Variants in FBXW12 observed in about 807,000 individuals in gnomAD.
FBXW12 encodes F-box/WD repeat-containing protein 12.
FBXW12 carries 43 observed loss-of-function variants against 55.3 expected under a neutral mutation model. The ratio of observed to expected loss-of-function variants is 0.78; its 90% CI spans 0.61 to 1.00. The LOEUF (loss-of-function observed/expected upper bound fraction) is 1.00, where lower values mean the gene tolerates loss of function less well. Ranked by LOEUF, FBXW12 falls within the 50% of genes least tolerant of loss-of-function variation. FBXW12 has a pLI of 0.00. For synonymous variants in FBXW12, 184 were observed against 203.8 expected (o/e 0.90, Z 0.83); for missense variants, 524 against 560.5 (o/e 0.93, Z 0.66).
Position 48,382,025 on chromosome 3 carries a change from A to G in FBXW12, c.1235A>G (p.His412Arg), listed in dbSNP as rs199820482. 3 of 1,614,076 alleles carry G rather than the reference A, an allele frequency of 1.9e-6. No individual in the cohort carries two copies. The East Asian group carries it at 6.7e-5, about 36-fold the overall frequency. The change falls in exon 10 of 11, where the codon CAT becomes CGT. Residue 412 changes from histidine to arginine, a missense_variant. Transcript: ENST00000296438. ...TACATGTGGGAAGAAGGAGGCCGCCATCCATACCTCAGGAGCTGCTGTCAC... is the reference window on the plus strand; with the variant it reads ...TACATGTGGGAAGAAGGAGGCCGCCGTCCATACCTCAGGAGCTGCTGTCAC... The part of the protein sequence containing the change: ...HVYMWEEGGR[H>R]PYLRSCCHLE...
At chr3:48,382,684 C>T (rs918681236) in intron 10 of FBXW12, among the ~76,000 whole-genome samples, 3 of 152,156 alleles carry the variant, frequency 2.0e-5, no homozygotes, top group Non-Finnish European at 4.4e-5. Context: ...CTTGCTGCTT[C>T]AGTGAGCTGC....
At chr3:48,374,551 C>A (rs2036655171) in intron 4 of FBXW12, among the ~76,000 whole-genome samples, 1 of 152,082 alleles carries the variant, frequency 6.6e-6, no homozygotes, top group Non-Finnish European at 1.5e-5. Context: ...TGGTCTTGAA[C>A]TCCTGACCTC....
intron 10 of FBXW12, among the ~76,000 whole-genome samples, chr3:48,393,967 C>T (rs965182810): frequency 2.6e-5 from 4 of 151,484 alleles, no homozygotes; most frequent in Admixed American, 6.6e-5. Context: ...TTAGTAGAGA[C>T]GAGGTTTCAC....
intron 10 of FBXW12, among the ~76,000 whole-genome samples, chr3:48,387,710 G>C (rs1001406681): frequency 6.6e-6 from 1 of 152,044 alleles, no homozygotes; most frequent in South Asian, 2.1e-4. Context: ...CACCATGCCA[G>C]ACTATTTTTT....
At chr3:48,391,535 G>A (rs1310294392) in intron 10 of FBXW12, among the ~76,000 whole-genome samples, 1 of 152,032 alleles carries the variant, frequency 6.6e-6, no homozygotes, top group African/African-American at 2.4e-5. Flanking sequence ...TGTTTACTAG[G>A]AGTGGTGAGA....
chr3:48,382,879 T>C (rs2036798371), intron 10 of FBXW12, among the ~76,000 whole-genome samples: 1 of 152,226 alleles, frequency 6.6e-6, no homozygotes, highest in African/African-American at 2.4e-5. Context: ...AAAATACATA[T>C]ATCCTTTGCA....
At chr3:48,373,163 C>T (rs1193222343) in intron 2 of FBXW12, 145 bp from the exon 3 acceptor site, 2 of 1,212,704 alleles carry the variant, frequency 1.6e-6, no homozygotes, top group South Asian at 1.3e-5. Context: ...TTCCTTATCT[C>T]CCCACACTGA....
chr3:48,394,250 GAAAAAC>G (rs1386774190), intron 10 of FBXW12, among the ~76,000 whole-genome samples: 4 of 151,434 alleles, frequency 2.6e-5, no homozygotes, highest in Non-Finnish European at 5.9e-5. Flanking sequence ...CCTGTCTCAG[GAAAAAC>G]AAAAACAAAA....
At chr3:48,381,573 C>A in intron 8 of FBXW12, 127 bp from the exon 9 acceptor site, 1 of 1,067,722 alleles carries the variant, frequency 9.4e-7, no homozygotes, top group Non-Finnish European at 1.3e-6. Context: ...TTTTCTTCCC[C>A]GGAATGAAGT....
chr3:48,373,196 C>A, intron 2 of FBXW12, 112 bp from the exon 3 acceptor site: 1 of 1,505,428 alleles, frequency 6.6e-7, no homozygotes, highest in Non-Finnish European at 9.2e-7. Context: ...AGCTGGAATC[C>A]CATCTGATTA....
intron 4 of FBXW12, 66 bp downstream of exon 4, chr3:48,373,771 T>G (rs1420647607): frequency 6.8e-7 from 1 of 1,461,518 alleles, no homozygotes; most frequent in East Asian, 2.3e-5. Context: ...CTATTTGATT[T>G]TTGCTGTGTG....
intron 9 of FBXW12, 24 bp downstream of exon 9, chr3:48,381,902 C>G: frequency 1.2e-6 from 2 of 1,611,400 alleles, no homozygotes; most frequent in Non-Finnish European, 1.7e-6. Context: ...TCCTCCACTG[C>G]TTTTTGATCT....
At chr3:48,380,606 A>G in intron 7 of FBXW12, 96 bp from the exon 8 acceptor site, 1 of 881,268 alleles carries the variant, frequency 1.1e-6, no homozygotes, top group Non-Finnish European at 1.9e-6. Context: ...TTTGGCCACA[A>G]GATGAGAATT....
intron 10 of FBXW12, among the ~76,000 whole-genome samples, chr3:48,393,782 CT>C (rs33998468): frequency 4.0e-4 from 56 of 138,464 alleles, no homozygotes; most frequent in Admixed American, 5.8e-4. Context: ...TTTTTTCTTT[CT>C]TTTTTTTTTT....
intron 8 of FBXW12, 110 bp downstream of exon 8, chr3:48,381,022 GTTTTT>G (rs11378351): frequency 1.8e-4 from 105 of 573,000 alleles, no homozygotes; most frequent in Non-Finnish European, 2.0e-4. Context: ...GGGATTTCTA[GTTTTT>G]TTTTTTTTTT....
In FBXW12 at chr3:48,373,640, G is replaced by A. The variant is rs745684305; in HGVS notation, c.221G>A (p.Arg74Lys). The A allele has an allele frequency of 6.2e-7, 1 of 1,614,182 alleles. No homozygotes were observed. The highest frequency in any genetic ancestry group is 8.5e-7 in the Non-Finnish European group (1 of 1,180,036). ...AAGCAATTTTTCCTGCATCAAAGAA[G>A]GAAGGAGCTTCGGTTGGCATTGGCA... ...TWKQFFLHQR[R>K]KELRLALAQP... Residue 74 changes from arginine to lysine, a missense_variant, in exon 4 of 11, where the codon AGG (arginine) becomes AAG (lysine). Arg to Lys is a conservative substitution (Grantham distance 26). Transcript: ENST00000296438.
intron 2 of FBXW12, 61 bp downstream of exon 2, chr3:48,372,918 C>A: frequency 6.8e-7 from 1 of 1,462,698 alleles, no homozygotes; most frequent in Non-Finnish European, 9.6e-7. Context: ...CCAGTTTGAG[C>A]ACCACTTTGC....
chr3:48,379,788 C>T (rs2036740236), intron 7 of FBXW12: 2 of 481,618 alleles, frequency 4.2e-6, no homozygotes, highest in East Asian at 7.5e-5. Flanking sequence ...CCCGAATTTG[C>T]CAAAGAGATG....
chr3:48,390,406 C>CT (rs71625870), intron 10 of FBXW12, among the ~76,000 whole-genome samples: 2,140 of 57,960 alleles, frequency 0.037, 424 homozygotes, highest in African/African-American at 0.13. Context: ...AGGATTTCCT[C>CT]TTTTTTTTTT....
Sources: allele counts gnomAD v4.1 joint callset (sites outside exome capture counted in the v4.1 genomes callset), GRCh38; gene constraint gnomAD v4.1.1; transcripts MANE v1.5; gene names NCBI Gene and HGNC (gene_info 2026-07-23, HGNC 2026-07-21).